Variants in MAGI1 observed in about 807,000 individuals in gnomAD.
The protein encoded by MAGI1 is membrane associated guanylate kinase, WW and PDZ domain containing 1.
In MAGI1, 58 loss-of-function variants were observed where a neutral mutation model predicts 139.9. The ratio of observed to expected loss-of-function variants is 0.41; its 90% CI spans 0.34 to 0.52. The LOEUF (loss-of-function observed/expected upper bound fraction) is 0.52. MAGI1 is among the 20% of genes least tolerant of loss of function. MAGI1 has a pLI of 0.12. For synonymous variants in MAGI1, 812 were observed against 737.9 expected (o/e 1.10, Z -1.63); for missense variants, 1,874 against 1,901.6 (o/e 0.99, Z 0.27).
chr3:65,826,000 A>G (rs930045089), intron 1 of MAGI1, among the ~76,000 whole-genome samples: 3 of 152,034 alleles, frequency 2.0e-5, no homozygotes, highest in Non-Finnish European at 4.4e-5. Context: ...AAATAATAAT[A>G]ATAAAATTTT....
At chr3:65,712,510 T>TTTGTTG (rs3042858) in intron 1 of MAGI1, among the ~76,000 whole-genome samples, 5 of 151,860 alleles carry the variant, frequency 3.3e-5, no homozygotes, top group South Asian at 2.1e-4. Flanking sequence ...TGTTTTTGTT[T>TTTGTTG]TTGTTGTTGT....
At chr3:65,910,468 ATAAAGTACG>A (rs1415475052) in intron 1 of MAGI1, among the ~76,000 whole-genome samples, 1 of 152,170 alleles carries the variant, frequency 6.6e-6, no homozygotes, top group Non-Finnish European at 1.5e-5. Flanking sequence ...AAAACAACCA[ATAAAGTACG>A]CCACCATTGC....
At chr3:65,667,239 G>A (rs890134673) in intron 1 of MAGI1, among the ~76,000 whole-genome samples, 1 of 152,188 alleles carries the variant, frequency 6.6e-6, no homozygotes, top group African/African-American at 2.4e-5. Context: ...TGGGAAAGTA[G>A]GACTACAGTA....
At chr3:66,028,733 CG>C (rs1423682776) in intron 1 of MAGI1, among the ~76,000 whole-genome samples, 1 of 152,144 alleles carries the variant, frequency 6.6e-6, no homozygotes, top group Non-Finnish European at 1.5e-5. Context: ...GGGAGAAACT[CG>C]GGCAACTCAA....
chr3:65,677,296 G>A (rs1003846894), intron 1 of MAGI1, among the ~76,000 whole-genome samples: 1 of 151,890 alleles, frequency 6.6e-6, no homozygotes, highest in Non-Finnish European at 1.5e-5. Context: ...TTTTACTATT[G>A]GCCAGCTAGG....
At chr3:65,401,372 T>TACCC in intron 13 of MAGI1, 67 bp downstream of exon 13, 20 of 778,226 alleles carry the variant, frequency 2.6e-5, no homozygotes, top group Non-Finnish European at 3.8e-5. Flanking sequence ...CAGAGTACCC[T>TACCC]CCCACCTCCA....
At chr3:65,677,532 G>T (rs191441782) in intron 1 of MAGI1, among the ~76,000 whole-genome samples, 29 of 152,326 alleles carry the variant, frequency 1.9e-4, no homozygotes, top group Admixed American at 5.9e-4. Context: ...AGTGCTTAAG[G>T]TATCAGAGAA....
At chr3:65,774,203 C>CTATAT (rs2038189481) in intron 1 of MAGI1, among the ~76,000 whole-genome samples, 1 of 151,890 alleles carries the variant, frequency 6.6e-6, no homozygotes, top group Non-Finnish European at 1.5e-5. Flanking sequence ...ACATATAATT[C>CTATAT]CGGCTAAACC....
chr3:65,379,150 A>G (rs1942825910), intron 17 of MAGI1, 111 bp downstream of exon 17: 1 of 1,568,774 alleles, frequency 6.4e-7, no homozygotes, highest in Admixed American at 1.8e-5. Context: ...CCAGAGCAAG[A>G]AGCTATAAAG....
At position 65,478,785 on chromosome 3, in the gene MAGI1, C is replaced by A. The variant is rs753874810; in HGVS notation, c.564G>T (p.Gly188=). The A allele has an allele frequency of 1.9e-6, 3 of 1,613,262 alleles. No individual in the cohort carries two copies. The highest frequency in any genetic ancestry group is 1.1e-5 in the South Asian group (1 of 91,052). ...CTGGCTGGCTAGGAGGCTTGGGTGT[C>A]CCATAATAGTTTCCTAGGTGATGGA... ...EVGTYEGNYY[G]TPKPPSQPVS... is the part of the protein sequence containing the mutation. Residue 188 remains glycine, a synonymous_variant, in exon 4 of 23, where the codon GGG becomes GGT. Coordinates refer to ENST00000402939, the MANE Select transcript of MAGI1 (RefSeq NM_001033057.2).
At chr3:65,981,569 T>G (rs774624937) in intron 1 of MAGI1, among the ~76,000 whole-genome samples, 1 of 152,208 alleles carries the variant, frequency 6.6e-6, no homozygotes, top group Non-Finnish European at 1.5e-5. Context: ...TGGTTAGTAC[T>G]TCATATGGTT....
At chr3:65,505,637 AAATAATAAT>A (rs142787163) in intron 2 of MAGI1, among the ~76,000 whole-genome samples, 23 of 144,390 alleles carry the variant, frequency 1.6e-4, no homozygotes, top group Middle Eastern at 3.6e-3. Context: ...ACAAAGTCTA[AAATAATAAT>A]AATAATAATA....
At chr3:65,419,004 C>A (rs111804621) in intron 12 of MAGI1, among the ~76,000 whole-genome samples, 26 of 152,286 alleles carry the variant, frequency 1.7e-4, no homozygotes, top group Non-Finnish European at 3.1e-4. Context: ...CTTCTATCTG[C>A]GCTGGCGGCT....
chr3:65,446,630 G>C (rs1394786189), intron 7 of MAGI1, among the ~76,000 whole-genome samples: 1 of 152,144 alleles, frequency 6.6e-6, no homozygotes, highest in Non-Finnish European at 1.5e-5. Context: ...TAGCAAGAGT[G>C]GTTGAAATTG....
chr3:65,766,130 C>G (rs2037452854), intron 1 of MAGI1, among the ~76,000 whole-genome samples: 1 of 152,208 alleles, frequency 6.6e-6, no homozygotes, highest in Admixed American at 6.5e-5. Flanking sequence ...TTAAAACTCA[C>G]AGATTTAGCA....
chr3:65,760,835 C>G (rs116347811), intron 1 of MAGI1, among the ~76,000 whole-genome samples: 1,766 of 152,206 alleles, frequency 0.012, 27 homozygotes, highest in African/African-American at 0.04. Flanking sequence ...CATAAAATCT[C>G]AACAGATGAG....
chr3:65,549,474 G>A, intron 2 of MAGI1: 1 of 985,356 alleles, frequency 1.0e-6, no homozygotes. Flanking sequence ...CGCGCTCGGT[G>A]GCCGCCCGCC....
chr3:65,949,437 G>A lies in MAGI1; in HGVS notation c.313+88559C>T, dbSNP rs546480950. Among the ~76,000 whole-genome samples, 647 of 152,284 alleles carry A rather than the reference G, an allele frequency of 4.2e-3. 6 individuals are homozygous for A. Among genetic ancestry groups the A allele is most frequent in the African/African-American group, 0.015 (619 of 41,560 alleles). ...ACAAATGTTATCTTCTGTCTCAATC[G>A]TCATTTAGACTTGACCAAGTTTACT... On this transcript the variant is annotated intron_variant, in intron 1 of 22. Transcript: ENST00000402939.
intron 1 of MAGI1, among the ~76,000 whole-genome samples, chr3:65,972,994 A>G (rs2065080998): frequency 6.6e-6 from 1 of 151,958 alleles, no homozygotes; most frequent in African/African-American, 2.4e-5. Context: ...TCAGATGAAA[A>G]GTAAGGCAGT....
Sources: allele counts gnomAD v4.1 joint callset (sites outside exome capture counted in the v4.1 genomes callset), GRCh38; gene constraint gnomAD v4.1.1; transcripts MANE v1.5; gene names NCBI Gene and HGNC (gene_info 2026-07-23, HGNC 2026-07-21).